ANK2: variants seen among roughly 807,000 people sequenced by gnomAD.
ANK2 encodes the protein ankyrin-2.
ANK2 carries 83 observed loss-of-function variants against 360.5 expected under a neutral mutation model. The ratio of observed to expected loss-of-function variants is 0.23; its 90% CI spans 0.19 to 0.28. ANK2 has a LOEUF of 0.28. Ranked by LOEUF, ANK2 falls within the 10% of genes least tolerant of loss-of-function variation. ANK2 has a pLI of 1.00. For missense variants in ANK2, 4,201 were observed against 4,795.7 expected (o/e 0.88, Z 3.66); for synonymous variants, 1,740 against 1,759.5 (o/e 0.99, Z 0.28).
chr4:112,854,452 G>A (rs1311348795), intron 1 of ANK2, among the ~76,000 whole-genome samples: 5 of 152,178 alleles, frequency 3.3e-5, no homozygotes, highest in Non-Finnish European at 7.3e-5. Context: ...TGATATGATA[G>A]CCTTGTTTTA....
At chr4:112,897,957 A>G (rs2082218351) in intron 1 of ANK2, among the ~76,000 whole-genome samples, 1 of 152,210 alleles carries the variant, frequency 6.6e-6, no homozygotes, top group South Asian at 2.1e-4. Context: ...CAGGTTTACT[A>G]TCAAATCAAT....
intron 1 of ANK2, among the ~76,000 whole-genome samples, chr4:113,083,873 A>G (rs971074590): frequency 1.3e-5 from 2 of 152,222 alleles, no homozygotes; most frequent in African/African-American, 4.8e-5. Flanking sequence ...AGGTGACATA[A>G]GAGTTACGGC....
At chr4:113,308,653 A>G (rs891855243) in intron 23 of ANK2, among the ~76,000 whole-genome samples, 14 of 152,268 alleles carry the variant, frequency 9.2e-5, no homozygotes, top group Admixed American at 3.3e-4. Flanking sequence ...CCACTGATTA[A>G]TTGCTGAAAT....
chr4:113,119,329 G>A (rs1240370415), intron 1 of ANK2, among the ~76,000 whole-genome samples: 1 of 151,976 alleles, frequency 6.6e-6, no homozygotes, highest in Non-Finnish European at 1.5e-5. Flanking sequence ...CTAAAAGAGT[G>A]GGTGTGCTTT....
chr4:113,380,368 T>G (rs890848616), intron 45 of ANK2, among the ~76,000 whole-genome samples: 2 of 152,114 alleles, frequency 1.3e-5, no homozygotes, highest in Admixed American at 1.3e-4. Flanking sequence ...TATACAAAAG[T>G]TATAGCTCCT....
intron 35 of ANK2, among the ~76,000 whole-genome samples, chr4:113,347,399 G>C (rs1043974272): frequency 2.0e-5 from 3 of 152,186 alleles, no homozygotes; most frequent in Non-Finnish European, 4.4e-5. Context: ...TAGTGAGTCA[G>C]TGGAGGCAGT....
chr4:113,207,535 C>G (rs1327532979), intron 4 of ANK2, among the ~76,000 whole-genome samples: 1 of 152,132 alleles, frequency 6.6e-6, no homozygotes, highest in Admixed American at 6.5e-5. Flanking sequence ...AGATAAGCTA[C>G]TCTGGTAGTA....
At chr4:112,831,803 C>T (rs969907883) in intron 1 of ANK2, among the ~76,000 whole-genome samples, 6 of 152,150 alleles carry the variant, frequency 3.9e-5, no homozygotes, top group African/African-American at 1.4e-4. Flanking sequence ...CTCCTGAAGC[C>T]AGCGAGACCA....
chr4:113,202,935 C>T (rs951315436), intron 4 of ANK2, among the ~76,000 whole-genome samples: 1 of 152,128 alleles, frequency 6.6e-6, no homozygotes, highest in Non-Finnish European at 1.5e-5. Context: ...AGTGTGGTCT[C>T]TGCTGAGCCA....
intron 1 of ANK2, among the ~76,000 whole-genome samples, chr4:113,106,021 A>G (rs1440278627): frequency 6.6e-6 from 1 of 152,128 alleles, no homozygotes; most frequent in Non-Finnish European, 1.5e-5. Flanking sequence ...GTCAATTCCT[A>G]TTTTTACTCA....
intron 2 of ANK2, among the ~76,000 whole-genome samples, chr4:113,021,530 C>CCCCACA (rs1554056650): frequency 7.6e-5 from 1 of 13,088 alleles, no homozygotes; most frequent in African/African-American, 2.3e-4. Context: ...ACACACACAC[C>CCCCACA]CACACACAAA....
intron 2 of ANK2, among the ~76,000 whole-genome samples, chr4:113,006,878 A>T (rs1465805139): frequency 6.6e-6 from 1 of 151,358 alleles, no homozygotes; most frequent in Non-Finnish European, 1.5e-5. Flanking sequence ...GGACTTTGTC[A>T]TGAATCCATT....
At chr4:112,998,731 C>A (rs1315402272) in intron 2 of ANK2, among the ~76,000 whole-genome samples, 1 of 152,128 alleles carries the variant, frequency 6.6e-6, no homozygotes, top group Non-Finnish European at 1.5e-5. Flanking sequence ...TTTCTGAGAA[C>A]CTTCCATATG....
chr4:113,323,948 T>C (rs1414056886), intron 26 of ANK2, among the ~76,000 whole-genome samples: 1 of 152,200 alleles, frequency 6.6e-6, no homozygotes, highest in African/African-American at 2.4e-5. Flanking sequence ...ATTGTGGCTA[T>C]TGCTGAATTC....
At chr4:112,814,016 G>C (rs2055474764), upstream of ANK2, among the ~76,000 whole-genome samples, 1 of 152,170 alleles carries the variant, frequency 6.6e-6, no homozygotes, top group South Asian at 2.1e-4. Flanking sequence ...AGGCAAATCT[G>C]TGTTTTAGCT....
intron 2 of ANK2, among the ~76,000 whole-genome samples, chr4:113,019,081 A>G (rs143644006): frequency 6.6e-6 from 1 of 152,228 alleles, no homozygotes; most frequent in African/African-American, 2.4e-5. Flanking sequence ...TAAAAGGGGT[A>G]TGTACATACT....
At chr4:113,113,202 A>C (rs2094469409) in intron 1 of ANK2, among the ~76,000 whole-genome samples, 1 of 146,770 alleles carries the variant, frequency 6.8e-6, no homozygotes, top group African/African-American at 2.5e-5. Flanking sequence ...TTTTTCCCTG[A>C]TTAGGTGATG....
intron 1 of ANK2, among the ~76,000 whole-genome samples, chr4:112,819,312 A>G (rs183489861): frequency 1.8e-3 from 280 of 152,342 alleles, no homozygotes; most frequent in African/African-American, 6.4e-3. Context: ...CCCTTGAGGG[A>G]TAATAGGCAA....
Position 112,864,558 on chromosome 4 carries a change from C to T in ANK2, c.-39-39897C>T, listed in dbSNP as rs560750791. Among the ~76,000 whole-genome samples, 3 of 152,144 alleles carry T rather than the reference C, an allele frequency of 2.0e-5. No homozygotes were observed. In the South Asian group the frequency reaches 6.2e-4, roughly 32 times the overall value. ...CTACCGACCTCAGGCGATATGCCCA[C>T]CCCGGCCTCCCAAAGTGCTGGGATT... is the stretch of plus-strand genomic sequence containing the variant. On this transcript the variant is annotated intron_variant, in intron 1 of 30. Coordinates refer to the ANK2 transcript ENST00000503271.
Sources: gnomAD v4.1 joint callset for allele counts (sites outside exome capture counted in the v4.1 genomes callset) on GRCh38, gnomAD v4.1.1 for gene constraint, MANE v1.5 for transcripts, NCBI Gene and HGNC (gene_info 2026-07-23, HGNC 2026-07-21) for gene names.